Variants in PUM2 observed in about 807,000 individuals in gnomAD.
PUM2 encodes pumilio RNA binding family member 2.
Under a neutral mutation model 124.5 loss-of-function variants are expected in PUM2, and 57 were observed. The ratio of observed to expected loss-of-function variants is 0.46; its 90% confidence interval spans 0.37 to 0.57. The LOEUF (loss-of-function observed/expected upper bound fraction) is 0.57. Ranked by LOEUF, PUM2 falls within the 20% of genes least tolerant of loss-of-function variation. PUM2 has a pLI of 0.00. For synonymous variants in PUM2, 460 were observed against 446.1 expected, an observed-to-expected ratio of 1.03 and a Z score of -0.39; for missense variants, 1,065 against 1,290.6, an observed-to-expected ratio of 0.83 and a Z score of 2.68.
intron 8 of PUM2, 74 bp downstream of exon 8, chr2:20,297,478 GA>G (rs978265230): frequency 4.9e-5 from 64 of 1,300,770 alleles, no homozygotes; most frequent in South Asian, 4.7e-4. Context: ...CCCAAATAGA[GA>G]AAAATAAAGC....
chr2:20,307,512 T>C (rs1330310375), intron 7 of PUM2, among the ~76,000 whole-genome samples: 2 of 152,214 alleles, frequency 1.3e-5, no homozygotes, highest in Non-Finnish European at 2.9e-5. Context: ...GTAAAGGGTA[T>C]AGGGAAGTTA....
chr2:20,262,714 T>C (rs761008123), intron 14 of PUM2, among the ~76,000 whole-genome samples: 3 of 152,254 alleles, frequency 2.0e-5, no homozygotes, highest in Non-Finnish European at 2.9e-5. Context: ...CTTTACAATG[T>C]TAATTCAGAT....
At chr2:20,336,739 C>A (rs906643708) in intron 1 of PUM2, among the ~76,000 whole-genome samples, 1 of 136,878 alleles carries the variant, frequency 7.3e-6, no homozygotes, top group Non-Finnish European at 1.6e-5. Flanking sequence ...CCATGTTGCC[C>A]AGGCTGATCT....
At chr2:20,256,454 G>A (rs576875700) in intron 16 of PUM2, among the ~76,000 whole-genome samples, 1 of 152,150 alleles carries the variant, frequency 6.6e-6, no homozygotes, top group Non-Finnish European at 1.5e-5. Context: ...TTGAAACAAC[G>A]TAGTGATGCT....
At chr2:20,308,990 C>A (rs1210984110) in intron 5 of PUM2, among the ~76,000 whole-genome samples, 1 of 152,044 alleles carries the variant, frequency 6.6e-6, no homozygotes, top group Non-Finnish European at 1.5e-5. Flanking sequence ...ACCCACTTAC[C>A]ATACTGCTGT....
At chr2:20,330,866 G>A (rs959379085) in intron 1 of PUM2, among the ~76,000 whole-genome samples, 7 of 152,192 alleles carry the variant, frequency 4.6e-5, no homozygotes, top group African/African-American at 1.7e-4. Flanking sequence ...TGTGAGAGCT[G>A]ATGCTCTCTC....
At chr2:20,271,790 T>A (rs945686229) in intron 13 of PUM2, among the ~76,000 whole-genome samples, 14 of 152,216 alleles carry the variant, frequency 9.2e-5, no homozygotes, top group Non-Finnish European at 5.9e-5. Flanking sequence ...TTTACTACAA[T>A]TTTATAAAAA....
chr2:20,333,054 T>C (rs1326546619), intron 1 of PUM2: 1 of 152,218 alleles, frequency 6.6e-6, no homozygotes, highest in East Asian at 1.9e-4. Context: ...TTTGAGGTTA[T>C]GACTGTTTCC....
upstream of PUM2, among the ~76,000 whole-genome samples, chr2:20,351,372 G>A (rs1573079222): frequency 6.6e-6 from 1 of 152,192 alleles, no homozygotes; most frequent in South Asian, 2.1e-4. Context: ...TCTGGGGGTG[G>A]AAGATTGTAC....
chr2:20,264,822 A>G (rs963432858), intron 13 of PUM2, among the ~76,000 whole-genome samples: 10 of 152,246 alleles, frequency 6.6e-5, no homozygotes, highest in Non-Finnish European at 1.3e-4. Flanking sequence ...GAAAAGGACT[A>G]CAAGGACAGA....
chr2:20,347,103 TGA>T lies in PUM2; in HGVS notation c.-19+3492_-19+3493del, dbSNP rs150852478. Among the ~76,000 whole-genome samples, 975 of 152,262 alleles carry T rather than the reference TGA, an allele frequency of 6.4e-3. 15 individuals carry two copies. The highest frequency in any genetic ancestry group is 0.022 in the African/African-American group (934 of 41,536). ...CTTTTATTCCTCCACAAGAGAACAG[TGA>T]GAGAGTAAGATGTGAAAATCAACAA... On this transcript the variant is annotated intron_variant, in intron 1 of 20. Transcript: ENST00000361078.
chr2:20,348,847 G>A (rs1688758216), intron 1 of PUM2, among the ~76,000 whole-genome samples: 1 of 152,202 alleles, frequency 6.6e-6, no homozygotes, highest in Non-Finnish European at 1.5e-5. Flanking sequence ...AAGAACAGTT[G>A]CAGCCCGGGA....
At position 20,321,079 on chromosome 2, in the gene PUM2, C is replaced by T. The variant is rs146934106; in HGVS notation, c.52-2434G>A. On this transcript the variant is annotated intron_variant, in intron 2 of 20. Coordinates refer to ENST00000361078, the MANE Select transcript of PUM2 (RefSeq NM_015317.5). ...TGAGGTAGTAAAAGTAATAGCACCC[C>T]TTTGAGACTATTCTGAAGTCTTTTG... Among the ~76,000 whole-genome samples, 12 of 152,244 alleles carry T rather than the reference C, an allele frequency of 7.9e-5. No homozygotes were observed. The East Asian group carries it at 2.3e-3, about 29-fold the overall frequency.
chr2:20,300,757 C>A (rs1572804569), intron 7 of PUM2, among the ~76,000 whole-genome samples: 1 of 146,312 alleles, frequency 6.8e-6, no homozygotes, highest in Admixed American at 6.9e-5. Context: ...CATTCTATTC[C>A]TAAATAAGAT....
intron 13 of PUM2, among the ~76,000 whole-genome samples, chr2:20,270,292 T>G (rs1330585338): frequency 1.3e-5 from 2 of 152,188 alleles, no homozygotes; most frequent in Non-Finnish European, 2.9e-5. Flanking sequence ...TGAATTTCCT[T>G]TTAAATATTC....
intron 1 of PUM2, among the ~76,000 whole-genome samples, chr2:20,347,221 TTAAA>T (rs1436806000): frequency 6.6e-6 from 1 of 152,190 alleles, no homozygotes; most frequent in African/African-American, 2.4e-5. Flanking sequence ...TGCCAACAGC[TTAAA>T]TAAACAATCT....
At chr2:20,279,707 C>T (rs1336343972) in intron 12 of PUM2, among the ~76,000 whole-genome samples, 1 of 152,092 alleles carries the variant, frequency 6.6e-6, no homozygotes, top group Non-Finnish European at 1.5e-5. Context: ...AAATAAAGGT[C>T]ATGTAGGCCC....
intron 19 of PUM2, among the ~76,000 whole-genome samples, 190 bp from the exon 20 acceptor site, chr2:20,254,204 G>A (rs1018383811): frequency 7.3e-5 from 11 of 151,020 alleles, no homozygotes; most frequent in African/African-American, 2.2e-4. Context: ...TCTGTCACCC[G>A]GGCTGGAGTG....
At chr2:20,286,773 A>G (rs1292217624) in intron 10 of PUM2, among the ~76,000 whole-genome samples, 2 of 152,108 alleles carry the variant, frequency 1.3e-5, no homozygotes, top group Admixed American at 6.5e-5. Context: ...TTCTAATGTA[A>G]TCATTAAAAC....
Sources: allele counts gnomAD v4.1 joint callset (sites outside exome capture counted in the v4.1 genomes callset), GRCh38; gene constraint gnomAD v4.1.1; transcripts MANE v1.5; gene names NCBI Gene and HGNC (gene_info 2026-07-23, HGNC 2026-07-21).